PTPRG: variants seen among roughly 807,000 people sequenced by gnomAD.
PTPRG encodes protein tyrosine phosphatase receptor type G.
PTPRG carries 102 observed loss-of-function variants against 165.3 expected under a neutral mutation model. The observed-to-expected ratio is 0.62, with a 90% CI of 0.53 to 0.73. The LOEUF (loss-of-function observed/expected upper bound fraction) is 0.73, where lower values mean the gene tolerates loss of function less well. Among genes scored for constraint, PTPRG ranks in the 30% least tolerant of loss-of-function variants. The pLI is 0.00. For missense variants in PTPRG, 1,866 were observed against 1,861.4 expected (o/e 1.00, Z -0.05); for synonymous variants, 675 against 669.5 (o/e 1.01, Z -0.13).
intron 29 of PTPRG, 31 bp downstream of exon 29, chr3:62,292,587 A>G (rs1231702391): frequency 1.9e-6 from 3 of 1,605,394 alleles, no homozygotes; most frequent in Non-Finnish European, 2.6e-6. Context: ...TAAAACCTGT[A>G]CTACATCAGT....
chr3:62,149,852 G>A (rs1205467341), intron 6 of PTPRG, among the ~76,000 whole-genome samples: 1 of 152,150 alleles, frequency 6.6e-6, no homozygotes, highest in Admixed American at 6.5e-5. Context: ...TTACCCAAAA[G>A]CTGATTTTTT....
intron 2 of PTPRG, among the ~76,000 whole-genome samples, chr3:61,826,850 C>T (rs1284751507): frequency 6.3e-5 from 9 of 143,906 alleles, no homozygotes; most frequent in Non-Finnish European, 9.0e-5. Context: ...TTTTTTTTTC[C>T]GATTATGTGG....
intron 8 of PTPRG, among the ~76,000 whole-genome samples, chr3:62,186,395 C>T (rs552472883): frequency 6.6e-6 from 1 of 152,094 alleles, no homozygotes; most frequent in African/African-American, 2.4e-5. Flanking sequence ...TGGTCCCTGC[C>T]TGGGAGATGC....
intron 8 of PTPRG, among the ~76,000 whole-genome samples, chr3:62,188,609 CTT>C (rs1699723540): frequency 6.6e-6 from 1 of 152,068 alleles, no homozygotes; most frequent in South Asian, 2.1e-4. Flanking sequence ...CATGAATCAT[CTT>C]AATGCACACA....
At chr3:61,921,940 C>T (rs1180383466) in intron 2 of PTPRG, among the ~76,000 whole-genome samples, 2 of 152,150 alleles carry the variant, frequency 1.3e-5, no homozygotes, top group African/African-American at 4.8e-5. Context: ...GTTTCCACAA[C>T]CTCTGTTTAA....
At chr3:61,797,811 C>T (rs2035099550) in intron 2 of PTPRG, among the ~76,000 whole-genome samples, 1 of 151,900 alleles carries the variant, frequency 6.6e-6, no homozygotes, top group Non-Finnish European at 1.5e-5. Flanking sequence ...CCCTCAGTTT[C>T]CCCTCCTGGG....
intron 2 of PTPRG, among the ~76,000 whole-genome samples, chr3:61,895,289 T>A (rs2038323593): frequency 6.6e-6 from 1 of 152,240 alleles, no homozygotes; most frequent in African/African-American, 2.4e-5. Flanking sequence ...TCTTGGACCG[T>A]ACTTTTAGGG....
intron 5 of PTPRG, among the ~76,000 whole-genome samples, chr3:62,087,573 A>G (rs1473005781): frequency 6.6e-6 from 1 of 152,164 alleles, no homozygotes; most frequent in East Asian, 1.9e-4. Flanking sequence ...TATTACCTCC[A>G]TTTTATAGAT....
At chr3:61,650,449 A>T (rs1174994152) in intron 1 of PTPRG, among the ~76,000 whole-genome samples, 2 of 152,190 alleles carry the variant, frequency 1.3e-5, no homozygotes, top group Non-Finnish European at 2.9e-5. Context: ...AGCTCATAAG[A>T]GATTGAGTCC....
At chr3:61,632,312 C>T (rs534646380) in intron 1 of PTPRG, among the ~76,000 whole-genome samples, 97 of 100,908 alleles carry the variant, frequency 9.6e-4, no homozygotes, top group African/African-American at 4.9e-3. Context: ...CTGTTACACA[C>T]GCACATACAC....
At chr3:61,993,789 T>TC (rs1336984836) in intron 3 of PTPRG, among the ~76,000 whole-genome samples, 1 of 152,214 alleles carries the variant, frequency 6.6e-6, no homozygotes, top group African/African-American at 2.4e-5. Context: ...TTTATTTTTT[T>TC]CTGATGGAAA....
intron 7 of PTPRG, among the ~76,000 whole-genome samples, chr3:62,157,884 C>T (rs1704600309): frequency 6.6e-6 from 1 of 152,156 alleles, no homozygotes; most frequent in African/African-American, 2.4e-5. Context: ...TACATATCAA[C>T]TTAATCAGTG....
chr3:62,192,393 C>CTTTTTTTTTTTTTTTTTTTTT (rs71123255), intron 9 of PTPRG, among the ~76,000 whole-genome samples: 1 of 52,618 alleles, frequency 1.9e-5, no homozygotes, highest in Non-Finnish European at 3.6e-5. Context: ...CAACTACTGT[C>CTTTTTTTTTTTTTTTTTTTTT]TTTTTTTTTT....
chr3:62,259,277 C>G (rs1253111675), intron 16 of PTPRG, among the ~76,000 whole-genome samples: 2 of 152,170 alleles, frequency 1.3e-5, no homozygotes, highest in Non-Finnish European at 2.9e-5. Flanking sequence ...CTGCTGCCTG[C>G]AAGAGGGCAG....
chr3:62,264,677 T>A (rs1468125780), intron 17 of PTPRG, among the ~76,000 whole-genome samples: 1 of 152,234 alleles, frequency 6.6e-6, no homozygotes, highest in Non-Finnish European at 1.5e-5. Flanking sequence ...ATACAGCATT[T>A]TGTCTATTCA....
At chr3:62,270,932 C>T (rs942822028) in intron 20 of PTPRG, among the ~76,000 whole-genome samples, 5 of 152,074 alleles carry the variant, frequency 3.3e-5, no homozygotes, top group African/African-American at 1.2e-4. Flanking sequence ...CCCATCACTT[C>T]CTGGATAGTT....
intron 4 of PTPRG, among the ~76,000 whole-genome samples, chr3:62,055,267 GT>G (rs1246599737): frequency 2.6e-5 from 4 of 152,138 alleles, no homozygotes; most frequent in Non-Finnish European, 4.4e-5. Flanking sequence ...ACCATACTTA[GT>G]TTTCTATGTT....
intron 4 of PTPRG, among the ~76,000 whole-genome samples, chr3:62,030,197 GTT>G (rs11351369): frequency 0.12 from 17,391 of 144,718 alleles, 1,294 homozygotes; most frequent in African/African-American, 0.22. Flanking sequence ...TTTTCCCTGT[GTT>G]TTTTTTTTTT....
intron 11 of PTPRG, among the ~76,000 whole-genome samples, chr3:62,202,291 G>A (rs1700112289): frequency 1.3e-5 from 2 of 152,042 alleles, no homozygotes; most frequent in East Asian, 1.9e-4. Flanking sequence ...AGAACAAGCC[G>A]AGTCTTAGAC....
Sources: allele counts gnomAD v4.1 joint callset (sites outside exome capture counted in the v4.1 genomes callset), GRCh38; gene constraint gnomAD v4.1.1; transcripts MANE v1.5; gene names NCBI Gene and HGNC (gene_info 2026-07-23, HGNC 2026-07-21).